IL1RAPL2: variants seen among roughly 807,000 people sequenced by gnomAD.
The protein encoded by IL1RAPL2 is X-linked interleukin-1 receptor accessory protein-like 2.
A neutral mutation model predicts 44.1 loss-of-function variants in IL1RAPL2; 3 were observed. That is an observed-to-expected ratio of 0.07 (90% CI 0.03 to 0.18). IL1RAPL2 has a LOEUF of 0.18. Ranked by LOEUF, IL1RAPL2 falls within the 10% of genes least tolerant of loss-of-function variation. The pLI is 1.00. For missense variants in IL1RAPL2, 391 were observed against 496.4 expected, an observed-to-expected ratio of 0.79 and a Z score of 2.02; for synonymous variants, 181 against 178.8, an observed-to-expected ratio of 1.01 and a Z score of -0.10.
intron 6 of IL1RAPL2, among the ~76,000 whole-genome samples, chrX:105,511,525 C>T (rs1263649503): frequency 1.8e-5 from 2 of 110,762 alleles, no homozygotes; most frequent in Non-Finnish European, 3.8e-5. Context: ...CCCACCCACC[C>T]ACATGTGTCC....
intron 5 of IL1RAPL2, among the ~76,000 whole-genome samples, chrX:105,281,579 T>C (rs1027362188): frequency 4.5e-5 from 5 of 111,956 alleles, no homozygotes; most frequent in African/African-American, 1.6e-4. Flanking sequence ...TTACTGTACC[T>C]TTTCTATGTT....
At chrX:105,087,160 G>T (rs1384290075) in intron 2 of IL1RAPL2, among the ~76,000 whole-genome samples, 1 of 111,219 alleles carries the variant, frequency 9.0e-6, no homozygotes, top group Non-Finnish European at 1.9e-5. Context: ...CATAAGTTTT[G>T]GTATAGAGAA....
intron 2 of IL1RAPL2, among the ~76,000 whole-genome samples, chrX:104,691,454 A>G (rs761774335): frequency 1.8e-5 from 2 of 112,272 alleles, no homozygotes; most frequent in South Asian, 3.7e-4. Flanking sequence ...GCCTTGGTCT[A>G]TTTATTTGTT....
intron 2 of IL1RAPL2, among the ~76,000 whole-genome samples, chrX:105,172,034 G>T (rs1322554582): frequency 8.9e-6 from 1 of 112,519 alleles, no homozygotes; most frequent in African/African-American, 3.2e-5. Context: ...CCAGTCTTGG[G>T]TGTATATTTG....
In IL1RAPL2 at chrX:105,762,910, C is replaced by T. The variant is rs780225369; in HGVS notation, c.1364-4054C>T. 8.2e-5 allele frequency among the ~76,000 whole-genome samples: 9 copies of T among 109,381 alleles called. No homozygotes were observed. In the East Asian group the frequency reaches 1.7e-3, roughly 21 times the overall value. 95.0% of individuals were successfully genotyped at this position (109,381 alleles called of 115,157 possible). ...GAAAAACGTTTCTTTATTATCTCTTCGTGGTAACAAGCTTTTAAAAACGTT... is the reference window on the plus strand; with the variant it reads ...GAAAAACGTTTCTTTATTATCTCTTTGTGGTAACAAGCTTTTAAAAACGTT... On this transcript the variant is annotated intron_variant, in intron 10 of 10. Coordinates refer to ENST00000372582, the MANE Select transcript of IL1RAPL2 (RefSeq NM_017416.2).
At chrX:105,516,549 G>A (rs2036515687) in intron 6 of IL1RAPL2, among the ~76,000 whole-genome samples, 1 of 111,905 alleles carries the variant, frequency 8.9e-6, no homozygotes. Flanking sequence ...GACCTTTTCA[G>A]TTTGCATATA....
At chrX:105,742,512 T>C (rs1264316847) in intron 8 of IL1RAPL2, among the ~76,000 whole-genome samples, 1 of 111,382 alleles carries the variant, frequency 9.0e-6, no homozygotes, top group Non-Finnish European at 1.9e-5. Context: ...TAAAAATTTC[T>C]AAAAATTTGA....
At chrX:105,563,240 T>G (rs934027748) in intron 6 of IL1RAPL2, among the ~76,000 whole-genome samples, 1 of 111,738 alleles carries the variant, frequency 8.9e-6, no homozygotes, top group East Asian at 2.8e-4. Flanking sequence ...AATGGGGAAA[T>G]TGGGCACAAG....
intron 2 of IL1RAPL2, among the ~76,000 whole-genome samples, chrX:105,111,530 T>C (rs1027139034): frequency 8.9e-6 from 1 of 112,059 alleles, no homozygotes; most frequent in Admixed American, 9.5e-5. Context: ...TTTAACTTTC[T>C]TGACTTAGTT....
chrX:104,897,882 G>A (rs763216282), intron 2 of IL1RAPL2, among the ~76,000 whole-genome samples: 1 of 111,747 alleles, frequency 8.9e-6, no homozygotes, highest in East Asian at 2.8e-4. Context: ...CTTTTGTAAA[G>A]TGAAGAAAAG....
At chrX:104,572,739 A>G (rs1227439956) in intron 1 of IL1RAPL2, among the ~76,000 whole-genome samples, 3 of 111,142 alleles carry the variant, frequency 2.7e-5, no homozygotes, top group African/African-American at 6.6e-5. Flanking sequence ...AGCTGGGACT[A>G]CAGGTGCATG....
chrX:104,756,278 C>CAGAA (rs1555988865), intron 2 of IL1RAPL2, among the ~76,000 whole-genome samples: 2 of 109,942 alleles, frequency 1.8e-5, no homozygotes, highest in Non-Finnish European at 3.8e-5. Context: ...TGTCAGGTGA[C>CAGAA]AAAGATGCTT....
intron 6 of IL1RAPL2, among the ~76,000 whole-genome samples, chrX:105,608,988 A>C (rs1359216771): frequency 1.8e-5 from 2 of 111,377 alleles, no homozygotes; most frequent in East Asian, 5.6e-4. Context: ...ACTCCTCTCT[A>C]GGATCTGTTC....
At chrX:104,664,169 G>A (rs1930448322) in intron 2 of IL1RAPL2, among the ~76,000 whole-genome samples, 1 of 111,074 alleles carries the variant, frequency 9.0e-6, no homozygotes, top group Admixed American at 9.6e-5. Flanking sequence ...CCCTAGCACT[G>A]CTAATCCTTT....
At chrX:104,982,924 T>C (rs1014393173) in intron 2 of IL1RAPL2, among the ~76,000 whole-genome samples, 17 of 111,183 alleles carry the variant, frequency 1.5e-4, no homozygotes, top group African/African-American at 5.2e-4. Flanking sequence ...GTGCTATTTG[T>C]TTTTATTTTA....
intron 2 of IL1RAPL2, among the ~76,000 whole-genome samples, chrX:104,839,816 G>T (rs1427614073): frequency 9.0e-6 from 1 of 111,678 alleles, no homozygotes; most frequent in African/African-American, 3.3e-5. Context: ...TTAGTTTTGG[G>T]AGGGTGTATG....
intron 2 of IL1RAPL2, among the ~76,000 whole-genome samples, chrX:105,160,985 A>ATCC (rs2033318518): frequency 9.0e-6 from 1 of 111,618 alleles, no homozygotes; most frequent in African/African-American, 3.3e-5. Flanking sequence ...CACACTTGTA[A>ATCC]TCCCAGCACT....
chrX:105,719,969 T>C (rs1416624317), intron 7 of IL1RAPL2, among the ~76,000 whole-genome samples: 1 of 111,744 alleles, frequency 8.9e-6, no homozygotes, highest in Non-Finnish European at 1.9e-5. Flanking sequence ...TTAGGATTAC[T>C]GTCAACGTAT....
intron 5 of IL1RAPL2, among the ~76,000 whole-genome samples, chrX:105,427,012 T>A (rs971623895): frequency 1.9e-4 from 21 of 112,800 alleles, no homozygotes; most frequent in Middle Eastern, 4.6e-3. Context: ...TGGTTTGGGT[T>A]CAAAGTTGGA....
Sources: gnomAD v4.1 joint callset for allele counts (sites outside exome capture counted in the v4.1 genomes callset) on GRCh38, gnomAD v4.1.1 for gene constraint, MANE v1.5 for transcripts, NCBI Gene and HGNC (gene_info 2026-07-23, HGNC 2026-07-21) for gene names.